The following CHN2 variants were observed in gnomAD, a reference collection of about 807,000 sequenced individuals.
CHN2 encodes chimerin 2.
In CHN2, 35 loss-of-function variants were observed where a neutral mutation model predicts 56.3. The observed-to-expected ratio is 0.62, with a 90% CI of 0.47 to 0.82. The LOEUF (loss-of-function observed/expected upper bound fraction) is 0.82, where lower values mean the gene tolerates loss of function less well. CHN2 is among the 40% of genes least tolerant of loss of function. The probability of loss-of-function intolerance (pLI) is 0.00; values close to 1 mark genes in which losing one functional copy is unlikely to be tolerated. For synonymous variants in CHN2, 210 were observed against 212.8 expected (o/e 0.99, Z 0.12); for missense variants, 491 against 580.5 (o/e 0.85, Z 1.58).
intron 6 of CHN2, among the ~76,000 whole-genome samples, chr7:29,432,836 A>G (rs1380085280): frequency 6.6e-6 from 1 of 152,106 alleles, no homozygotes; most frequent in Non-Finnish European, 1.5e-5. Flanking sequence ...CTTTTGGAAT[A>G]TAATTATGTT....
chr7:29,440,684 CAAAAAAAAAAAA>C (rs556692737), intron 6 of CHN2, among the ~76,000 whole-genome samples: 65 of 45,666 alleles, frequency 1.4e-3, no homozygotes, highest in African/African-American at 3.1e-3. Context: ...GACTCCGTCT[CAAAAAAAAAAAA>C]AAAAAAAAAA....
chr7:29,248,062 C>T (rs1388909748), intron 1 of CHN2, among the ~76,000 whole-genome samples: 3 of 152,166 alleles, frequency 2.0e-5, no homozygotes, highest in African/African-American at 7.2e-5. Context: ...GGCTGGAGGG[C>T]GTCTGGGGCT....
intron 2 of CHN2, among the ~76,000 whole-genome samples, chr7:29,181,959 C>T (rs992130149): frequency 6.6e-6 from 1 of 152,208 alleles, no homozygotes; most frequent in Non-Finnish European, 1.5e-5. Flanking sequence ...AACATATCTA[C>T]AGTAAGCATG....
intron 3 of CHN2, among the ~76,000 whole-genome samples, chr7:29,376,709 T>G (rs1800106960): frequency 6.6e-6 from 1 of 152,226 alleles, no homozygotes; most frequent in Non-Finnish European, 1.5e-5. Flanking sequence ...TCAGCACTTG[T>G]GCTAGACTAT....
chr7:29,345,987 TAGTC>T (rs1397647635), intron 1 of CHN2, among the ~76,000 whole-genome samples: 1 of 152,296 alleles, frequency 6.6e-6, no homozygotes, highest in Non-Finnish European at 1.5e-5. Context: ...ATGAGTTTCA[TAGTC>T]AGACTGACAG....
At chr7:29,243,226 A>T (rs1787822766) in intron 1 of CHN2, among the ~76,000 whole-genome samples, 1 of 152,218 alleles carries the variant, frequency 6.6e-6, no homozygotes, top group Admixed American at 6.5e-5. Context: ...GAACAAAAAA[A>T]GCAATCTTTT....
intron 1 of CHN2, among the ~76,000 whole-genome samples, chr7:29,195,982 T>C (rs1783678247): frequency 6.6e-6 from 1 of 152,060 alleles, no homozygotes; most frequent in South Asian, 2.1e-4. Context: ...ACATTTAGGG[T>C]AGTATACAGT....
At chr7:29,157,830 G>A (rs1794623164) in intron 2 of CHN2, among the ~76,000 whole-genome samples, 1 of 141,448 alleles carries the variant, frequency 7.1e-6, no homozygotes, top group Non-Finnish European at 1.6e-5. Context: ...GCACTTAGGA[G>A]GATGCTAAAA....
rs562996364 is a variant in CHN2 at position 29,274,551 on chromosome 7, G to A, written c.49+79561G>A. On this transcript the variant is annotated intron_variant, in intron 1 of 12. Coordinates refer to ENST00000222792, the MANE Select transcript of CHN2 (RefSeq NM_004067.4). ...GCATTAATCAAGACAGTGGCTGAGC[G>A]GTGGCATTAGCGAAATAAGCATGAA... Among the ~76,000 whole-genome samples the A allele has an allele frequency of 2.6e-5, 4 of 152,284 alleles. No homozygotes were observed. The East Asian group carries it at 5.8e-4, about 22-fold the overall frequency.
chr7:29,451,736 C>G (rs1461088522), intron 6 of CHN2, among the ~76,000 whole-genome samples: 1 of 152,116 alleles, frequency 6.6e-6, no homozygotes, highest in Non-Finnish European at 1.5e-5. Context: ...AGCTACAAGC[C>G]AATCCCACCA....
At chr7:29,359,023 G>C (rs1798532685) in intron 2 of CHN2, among the ~76,000 whole-genome samples, 1 of 152,114 alleles carries the variant, frequency 6.6e-6, no homozygotes, top group African/African-American at 2.4e-5. Context: ...CAATATCAGG[G>C]CTGTGCTTCC....
At chr7:29,357,266 C>G (rs1238909809) in intron 2 of CHN2, among the ~76,000 whole-genome samples, 1 of 152,188 alleles carries the variant, frequency 6.6e-6, no homozygotes, top group Non-Finnish European at 1.5e-5. Context: ...TAATAGTCCT[C>G]CAGGCTCTAT....
chr7:29,345,725 T>C lies in CHN2; in HGVS notation c.50-8900T>C, dbSNP rs182401586. 2.6e-4 allele frequency among the ~76,000 whole-genome samples: 39 copies of C among 152,198 alleles called. No homozygotes were observed. In the East Asian group the frequency reaches 7.4e-3, roughly 29 times the overall value. Reference sequence around the variant, plus strand: ...GTTGCATTTATCCAATAAGTACCTGTTGAATGGGAGAATCTCATCATGCCT... The same window carrying C: ...GTTGCATTTATCCAATAAGTACCTGCTGAATGGGAGAATCTCATCATGCCT... On this transcript the variant is annotated intron_variant, in intron 1 of 12. Coordinates refer to ENST00000222792, the MANE Select transcript of CHN2 (RefSeq NM_004067.4).
chr7:29,453,712 G>A (rs1292542047), intron 6 of CHN2, among the ~76,000 whole-genome samples: 2 of 152,070 alleles, frequency 1.3e-5, no homozygotes, highest in East Asian at 3.9e-4. Context: ...TTTATTAGTG[G>A]GTGGTTTGGA....
chr7:29,284,918 G>A (rs139788335), intron 1 of CHN2, among the ~76,000 whole-genome samples: 95 of 152,322 alleles, frequency 6.2e-4, no homozygotes, highest in African/African-American at 1.8e-3. Context: ...CTTCAGAGAC[G>A]TCATCTCAAA....
chr7:29,210,914 A>AAAC (rs771048797), intron 1 of CHN2, among the ~76,000 whole-genome samples: 160 of 152,216 alleles, frequency 1.1e-3, no homozygotes, highest in Non-Finnish European at 3.1e-4. Context: ...GTAGAGTGAG[A>AAAC]AAGGGGTAAA....
At chr7:29,219,633 T>G (rs1382555693) in intron 1 of CHN2, among the ~76,000 whole-genome samples, 1 of 152,174 alleles carries the variant, frequency 6.6e-6, no homozygotes, top group Non-Finnish European at 1.5e-5. Context: ...TAAGATATAC[T>G]ATGTAGACTG....
chr7:29,499,701 A>G lies in CHN2; in HGVS notation c.740-166A>G, dbSNP rs1789730503. Among the ~76,000 whole-genome samples the G allele has an allele frequency of 2.0e-5, 3 of 152,328 alleles. 1 individual carries two copies. In the South Asian group the frequency reaches 6.2e-4, roughly 32 times the overall value. ...TCATATAAGGGTTTAGTGATTAGAG[A>G]TGATACTTGTATTTATCCTGTAGAG... is the stretch of plus-strand genomic sequence containing the variant. On this transcript the variant is annotated intron_variant, in intron 8 of 12. Coordinates refer to ENST00000222792, the MANE Select transcript of CHN2 (RefSeq NM_004067.4).
At chr7:29,493,809 T>A (rs1788923486) in intron 7 of CHN2, among the ~76,000 whole-genome samples, 2 of 152,234 alleles carry the variant, frequency 1.3e-5, no homozygotes, top group Admixed American at 1.3e-4. Flanking sequence ...AACATAGTTT[T>A]CATATCTATT....
Sources: allele counts gnomAD v4.1 joint callset (sites outside exome capture counted in the v4.1 genomes callset), GRCh38; gene constraint gnomAD v4.1.1; transcripts MANE v1.5; gene names NCBI Gene and HGNC (gene_info 2026-07-23, HGNC 2026-07-21).